Variants in ATXN1 observed in about 807,000 individuals in gnomAD.
The protein encoded by ATXN1 is ataxin-1.
Under a neutral mutation model 56.4 loss-of-function variants are expected in ATXN1, and 8 were observed. The ratio of observed to expected loss-of-function variants is 0.14; its 90% confidence interval spans 0.08 to 0.26. The LOEUF (loss-of-function observed/expected upper bound fraction) is 0.26. ATXN1 is among the 10% of genes least tolerant of loss of function. ATXN1 has a pLI of 1.00. For synonymous variants in ATXN1, 514 were observed against 494.6 expected (o/e 1.04, Z -0.52); for missense variants, 987 against 1,106.5 (o/e 0.89, Z 1.53).
intron 6 of ATXN1, among the ~76,000 whole-genome samples, chr6:16,448,423 C>T (rs764916533): frequency 1.8e-4 from 28 of 152,176 alleles, no homozygotes; most frequent in Non-Finnish European, 3.2e-4. Flanking sequence ...TTGTTTCCTG[C>T]GCTAGAATGA....
chr6:16,537,300 C>T (rs532688624), intron 4 of ATXN1, among the ~76,000 whole-genome samples: 123 of 152,102 alleles, frequency 8.1e-4, no homozygotes, highest in Non-Finnish European at 1.5e-3. Flanking sequence ...CCTCGCCAAC[C>T]GCCACAGGAT....
chr6:16,684,066 C>T (rs752163096), intron 2 of ATXN1, among the ~76,000 whole-genome samples: 3 of 152,162 alleles, frequency 2.0e-5, no homozygotes, highest in African/African-American at 2.4e-5. Flanking sequence ...CCCATGATCA[C>T]GCTTGAAGGC....
intron 2 of ATXN1, among the ~76,000 whole-genome samples, chr6:16,676,143 AGT>A (rs1287447952): frequency 6.6e-6 from 1 of 152,186 alleles, no homozygotes; most frequent in Non-Finnish European, 1.5e-5. Context: ...TACATTGGTA[AGT>A]GTGAGTGAGT....
rs929053341 is a variant in ATXN1, at chr6:16,303,106, C to T, written c.*3223G>A. On this transcript the variant is annotated 3_prime_UTR_variant, in exon 8 of 8. Transcript: ENST00000436367. This position sits in a 1 kb window ranked among gnomAD's most constrained non-coding sequence, Gnocchi z 4.3. ...CAACAGGCCACACTTCCCGTCCAGG[C>T]TCAGAGGCAGGGCTCCAAGTCTCAA... The T allele has an allele frequency of 6.5e-5, 10 of 152,928 alleles. 1 individual carries two copies. Among genetic ancestry groups the T allele is most frequent in the African/African-American group, 1.9e-4 (8 of 41,464 alleles). The allele number at this position is 152,928 out of a possible 1,614,324, so 9.5% of individuals were successfully genotyped here.
chr6:16,367,575 A>G (rs1427493187), intron 6 of ATXN1, among the ~76,000 whole-genome samples: 1 of 152,152 alleles, frequency 6.6e-6, no homozygotes, highest in Non-Finnish European at 1.5e-5. Context: ...CGGCTTTTTG[A>G]GCTCAAAACC....
At chr6:16,362,319 A>G (rs1761825672) in intron 6 of ATXN1, among the ~76,000 whole-genome samples, 1 of 152,160 alleles carries the variant, frequency 6.6e-6, no homozygotes, top group Admixed American at 6.5e-5. Context: ...TTAAAACAAG[A>G]AGCTCCTTTA....
chr6:16,564,149 A>G (rs998668079), intron 4 of ATXN1, among the ~76,000 whole-genome samples: 2 of 152,184 alleles, frequency 1.3e-5, no homozygotes, highest in African/African-American at 4.8e-5. Flanking sequence ...ACATTGTAAC[A>G]CATACATGAT....
chr6:16,525,611 T>TA lies in ATXN1; in HGVS notation c.-360-2924dup, dbSNP rs539247385. Among the ~76,000 whole-genome samples, 21 of 152,274 alleles carry TA rather than the reference T, an allele frequency of 1.4e-4. 1 individual carries two copies. The South Asian group carries it at 4.4e-3, about 32-fold the overall frequency. On this transcript the variant is annotated intron_variant, in intron 4 of 7. Coordinates refer to ENST00000436367, the MANE Select transcript of ATXN1 (RefSeq NM_001128164.2). The stretch of plus-strand genomic sequence containing the variant: ...AGAATAAATAAGATCTACTATTTGA[T>TA]AGCACAACAGAGTGACTATAGTCAA...
intron 3 of ATXN1, among the ~76,000 whole-genome samples, chr6:16,600,948 C>T (rs1264015368): frequency 1.3e-5 from 2 of 152,198 alleles, no homozygotes; most frequent in African/African-American, 2.4e-5. Flanking sequence ...TGGTTGCCTG[C>T]TGCAGTTGTC....
At chr6:16,680,533 A>AC (rs1223709365) in intron 2 of ATXN1, among the ~76,000 whole-genome samples, 2 of 152,176 alleles carry the variant, frequency 1.3e-5, no homozygotes, top group East Asian at 3.8e-4. Context: ...GGGAAGAAGG[A>AC]CCCAGGGCAG....
Position 16,303,800 on chromosome 6 carries a change from C to G in ATXN1, c.*2529G>C, listed in dbSNP as rs964415763. The G allele has an allele frequency of 2.0e-5, 3 of 152,558 alleles. No homozygotes were observed. The highest frequency in any genetic ancestry group is 2.0e-4 in the Admixed American group (3 of 15,274). 9.5% of individuals were successfully genotyped at this position (152,558 alleles called of 1,614,324 possible). A position where few individuals can be genotyped will look rare whatever the true frequency, so the allele number is the denominator to read the frequency against. On this transcript the variant is annotated 3_prime_UTR_variant, in exon 8 of 8. Coordinates refer to ENST00000436367, the MANE Select transcript of ATXN1 (RefSeq NM_001128164.2). This position sits in a 1 kb window ranked among gnomAD's most constrained non-coding sequence, Gnocchi z 4.3. ...TTGTAAATAGTGATATTAATGAGAA[C>G]AAAGTCTATGTGGCAGCCCGTATTC...
At chr6:16,548,246 GGT>G (rs1329797884) in intron 4 of ATXN1, among the ~76,000 whole-genome samples, 5 of 152,182 alleles carry the variant, frequency 3.3e-5, no homozygotes, top group Admixed American at 1.3e-4. Context: ...GATAAAATAT[GGT>G]ACACCTGTAT....
intron 2 of ATXN1, among the ~76,000 whole-genome samples, chr6:16,680,764 G>A (rs558409397): frequency 1.3e-5 from 2 of 152,270 alleles, no homozygotes; most frequent in East Asian, 3.9e-4. Flanking sequence ...CCATCAATAC[G>A]GGACATGGAA....
intron 1 of ATXN1, among the ~76,000 whole-genome samples, chr6:16,759,081 C>G (rs1215080657): frequency 6.6e-6 from 1 of 152,194 alleles, no homozygotes; most frequent in Non-Finnish European, 1.5e-5. Context: ...CTAAAAAACC[C>G]AAACAGAAAT....
chr6:16,395,284 A>C (rs1758430827), intron 6 of ATXN1, among the ~76,000 whole-genome samples: 1 of 151,284 alleles, frequency 6.6e-6, no homozygotes, highest in Non-Finnish European at 1.5e-5. Context: ...AAAAAAAAAA[A>C]AAAAAAACAA....
intron 6 of ATXN1, among the ~76,000 whole-genome samples, chr6:16,473,121 TA>T (rs1238228295): frequency 6.6e-6 from 1 of 152,212 alleles, no homozygotes; most frequent in Non-Finnish European, 1.5e-5. Context: ...TGTTCTTTTT[TA>T]ATGAAAAAAA....
At chr6:16,756,013 A>G (rs1401759033) in intron 1 of ATXN1, among the ~76,000 whole-genome samples, 1 of 152,160 alleles carries the variant, frequency 6.6e-6, no homozygotes, top group Non-Finnish European at 1.5e-5. Flanking sequence ...GTTCTCTCTA[A>G]ACGTGTTTTG....
intron 4 of ATXN1, among the ~76,000 whole-genome samples, chr6:16,560,238 T>C (rs1423231531): frequency 2.0e-5 from 3 of 152,108 alleles, no homozygotes; most frequent in Middle Eastern, 3.2e-3. Flanking sequence ...GAGACCAGCC[T>C]GGCCAACATG....
In ATXN1 at chr6:16,328,153, C is replaced by T. The variant is rs754100060; in HGVS notation, c.158G>A (p.Arg53Gln). The T allele has an allele frequency of 1.4e-4, 218 of 1,582,916 alleles. 1 individual carries two copies. The highest frequency in any genetic ancestry group is 1.8e-4 in the Non-Finnish European group (212 of 1,161,036). ...CCCATGCCTCCCGCCCCCGTGGCCC[C>T]GGCCACCAGGGTTGCCCGGGAGCCA... Reference protein sequence around the residue: ...TAWLPGNPGGRGHGGGRHGPA... With the variant: ...TAWLPGNPGGQGHGGGRHGPA... The change falls in exon 7 of 8, where the codon CGG becomes CAG. Residue 53 changes from arginine to glutamine, a missense_variant. Transcript: ENST00000436367. The surrounding 1 kb of genome is among the most constrained non-coding windows in gnomAD (Gnocchi z 6.2).
Sources: allele counts gnomAD v4.1 joint callset (sites outside exome capture counted in the v4.1 genomes callset), GRCh38; gene constraint gnomAD v4.1.1; non-coding constraint Gnocchi (gnomAD v3.1); transcripts MANE v1.5; gene names NCBI Gene and HGNC (gene_info 2026-07-23, HGNC 2026-07-21).